The following TTC22 variants were observed in gnomAD, a reference collection of about 807,000 sequenced individuals.
The protein encoded by TTC22 is tetratricopeptide repeat protein 22.
Under a neutral mutation model 48.2 loss-of-function variants are expected in TTC22, and 42 were observed. That is an observed-to-expected ratio of 0.87 (90% CI 0.68 to 1.13). The LOEUF (loss-of-function observed/expected upper bound fraction) is 1.13, where lower values mean the gene tolerates loss of function less well. Among genes scored for constraint, TTC22 ranks in the 50% most tolerant of loss-of-function variants. TTC22 has a pLI of 0.00. For synonymous variants in TTC22, 345 were observed against 365.5 expected (o/e 0.94, Z 0.64); for missense variants, 784 against 807.0 (o/e 0.97, Z 0.34).
chr1:54,787,777 G>A lies in TTC22; in HGVS notation c.673C>T (p.Pro225Ser). 6.2e-7 allele frequency: 1 copy of A among 1,613,392 alleles called. No homozygotes were observed. Among genetic ancestry groups the A allele is most frequent in the Non-Finnish European group, 8.5e-7 (1 of 1,179,734 alleles). Reference sequence around the variant, plus strand: ...AGGGCCAGCGTGCGGTTGAAGGCAGGCAGTCTCTTCTGCTCCTCACTGCCC... The same window carrying A: ...AGGGCCAGCGTGCGGTTGAAGGCAGACAGTCTCTTCTGCTCCTCACTGCCC... ...ELGSEEQKRL[P>S]AFNRTLALLR... The change falls in exon 3 of 7, where the codon CCT (proline) becomes TCT (serine). Residue 225 changes from proline (P) to serine (S), a missense_variant. Pro to Ser is a moderately conservative substitution (Grantham distance 74). Coordinates refer to ENST00000371276, the MANE Select transcript of TTC22 (RefSeq NM_001114108.2).
intron 1 of TTC22, among the ~76,000 whole-genome samples, chr1:54,790,755 C>T (rs1646343799): frequency 6.7e-6 from 1 of 148,686 alleles, no homozygotes; most frequent in South Asian, 2.1e-4. Context: ...GTGCCTCAGG[C>T]TTCCTGGCTG....
At chr1:54,796,984 G>A (rs574177979) in intron 1 of TTC22, among the ~76,000 whole-genome samples, 2 of 152,260 alleles carry the variant, frequency 1.3e-5, no homozygotes, top group South Asian at 4.1e-4. Context: ...AAGTGCTGTG[G>A]GCCAGGGCAG....
At position 54,779,842 on chromosome 1, in the gene TTC22, A is replaced by G. The variant is rs994775509; in HGVS notation, c.*1401T>C. On this transcript the variant is annotated 3_prime_UTR_variant, in exon 7 of 7. Coordinates refer to ENST00000371276, the MANE Select transcript of TTC22 (RefSeq NM_001114108.2). ...CCCTTCTATGGCTCTCAGTTTTCCC[A>G]TCTGCACAATGAGGGGGTTGGAGTG... is the stretch of plus-strand genomic sequence containing the variant. 9 of 152,324 alleles carry G rather than the reference A, an allele frequency of 5.9e-5. No individual in the cohort carries two copies. The East Asian group carries it at 1.7e-3, about 29-fold the overall frequency. The allele number at this position is 152,324 out of a possible 1,614,324, so 9.4% of individuals were successfully genotyped here.
intron 5 of TTC22, chr1:54,784,719 A>G: frequency 2.4e-6 from 3 of 1,232,996 alleles, no homozygotes; most frequent in South Asian, 2.8e-5. Context: ...CTGGGAGTAG[A>G]TTTGCCACTA....
At chr1:54,783,977 G>A (rs1646281751) in intron 5 of TTC22, among the ~76,000 whole-genome samples, 1 of 152,184 alleles carries the variant, frequency 6.6e-6, no homozygotes, top group Non-Finnish European at 1.5e-5. Flanking sequence ...ACTCCAGCCT[G>A]GGTGACAGAG....
In TTC22 at chr1:54,781,277, C is replaced by T. The variant is rs1646259395; in HGVS notation, c.1676G>A (p.Ser559Asn). ...GACAGCCCGGCGGTCCCGCGGCGCGCTGGCGCCCTCGCCCTCGCGCTCCAT... is the reference window on the plus strand; with the variant it reads ...GACAGCCCGGCGGTCCCGCGGCGCGTTGGCGCCCTCGCCCTCGCGCTCCAT... ...ETMEREGEGASAPRDRRAVSF is the reference protein window; with the variant it reads ...ETMEREGEGANAPRDRRAVSF Residue 559 changes from serine (S) to asparagine (N), a missense_variant, in exon 7 of 7, where the codon AGC becomes AAC. By Grantham distance (46) the Ser-to-Asn change is conservative (BLOSUM62 1). Transcript: ENST00000371276. The T allele has an allele frequency of 1.4e-6, 2 of 1,478,610 alleles. No homozygotes were observed. Among genetic ancestry groups the T allele is most frequent in the African/African-American group, 1.5e-5 (1 of 68,034 alleles). The allele number at this position is 1,478,610 out of a possible 1,614,324, so 91.6% of individuals were successfully genotyped here.
rs1315063326 is a variant in TTC22 at position 54,781,299 on chromosome 1, C to T, written c.1654G>A (p.Glu552Lys). Reference protein sequence around the residue: ...ALVRLLFETMEREGEGASAPR... With the variant: ...ALVRLLFETMKREGEGASAPR... ...GCGCTGGCGCCCTCGCCCTCGCGCT[C>T]CATGGTCTCGAAGAGCAGCCGCACC... Residue 552 changes from glutamate to lysine, a missense_variant, in exon 7 of 7, where the codon GAG becomes AAG. Physicochemically the swap from Glu to Lys is moderately conservative, Grantham distance 56. Transcript: ENST00000371276. 8.8e-6 allele frequency: 13 copies of T among 1,474,284 alleles called. No homozygotes were observed. Among genetic ancestry groups the T allele is most frequent in the South Asian group, 1.3e-5 (1 of 77,922 alleles). 91.3% of individuals were successfully genotyped at this position (1,474,284 alleles called of 1,614,324 possible). A position where few individuals can be genotyped will look rare whatever the true frequency, so the allele number is the denominator to read the frequency against.
At chr1:54,799,944 T>TG (rs1646420135) in intron 1 of TTC22, among the ~76,000 whole-genome samples, 1 of 152,196 alleles carries the variant, frequency 6.6e-6, no homozygotes, top group South Asian at 2.1e-4. Context: ...AGCTTGGTGG[T>TG]GCTAAGCACT....
rs1398363564 is a variant in TTC22 at position 54,786,993 on chromosome 1, C to T, written c.822G>A (p.Gly274=). 1.3e-6 allele frequency: 2 copies of T among 1,563,220 alleles called. No homozygotes were observed. The highest frequency in any genetic ancestry group is 2.7e-5 in the African/African-American group (2 of 73,352). The stretch of plus-strand genomic sequence containing the variant: ...AGTCTAGAGGGTCGGTCCCTGAGTA[C>T]CCGCAGTCATGGACGCCCATGGGGG... ...STTPMGVHDC[G]YSGTDPLDCF... is the part of the protein sequence containing the mutation. The change falls in exon 4 of 7, where the codon GGG becomes GGA. Residue 274 remains glycine, a synonymous_variant. Coordinates refer to ENST00000371276, the MANE Select transcript of TTC22 (RefSeq NM_001114108.2).
intron 5 of TTC22, chr1:54,784,837 T>G (rs1646288071): frequency 7.7e-7 from 1 of 1,295,640 alleles, no homozygotes; most frequent in South Asian, 1.3e-5. Context: ...ATGGGCTCTG[T>G]GTGGGCTCTA....
chr1:54,781,293 C>T lies in TTC22; in HGVS notation c.1660G>A (p.Glu554Lys). The change falls in exon 7 of 7, where the codon GAG becomes AAG. Residue 554 changes from glutamate (E) to lysine (K), a missense_variant. Coordinates refer to ENST00000371276, the MANE Select transcript of TTC22 (RefSeq NM_001114108.2). ...CGCGGCGCGCTGGCGCCCTCGCCCT[C>T]GCGCTCCATGGTCTCGAAGAGCAGC... ...VRLLFETMER[E>K]GEGASAPRDR... 1.4e-6 allele frequency: 2 copies of T among 1,476,290 alleles called. No homozygotes were observed. The highest frequency in any genetic ancestry group is 1.3e-5 in the South Asian group (1 of 78,300). 91.4% of individuals were successfully genotyped at this position (1,476,290 alleles called of 1,614,324 possible). A position where few individuals can be genotyped will look rare whatever the true frequency, so the allele number is the denominator to read the frequency against.
chr1:54,788,126 C>T, intron 1 of TTC22, 29 bp from the exon 2 acceptor site: 1 of 1,609,042 alleles, frequency 6.2e-7, no homozygotes, highest in Non-Finnish European at 8.5e-7. Context: ...GCCCACACTG[C>T]CATTACTGAG....
At chr1:54,796,721 G>A (rs1379543958) in intron 1 of TTC22, among the ~76,000 whole-genome samples, 1 of 151,934 alleles carries the variant, frequency 6.6e-6, no homozygotes, top group Admixed American at 6.6e-5. Context: ...CAATAAATAG[G>A]GATTTTATTT....
At position 54,781,657 on chromosome 1, in the gene TTC22, G is replaced by C. The variant is rs1646263976; in HGVS notation, c.1296C>G (p.Pro432=). The C allele has an allele frequency of 9.1e-6, 14 of 1,530,806 alleles. No individual in the cohort carries two copies. Among genetic ancestry groups the C allele is most frequent in the Non-Finnish European group, 1.0e-5 (12 of 1,144,304 alleles). The allele number at this position is 1,530,806 out of a possible 1,614,324, so 94.8% of individuals were successfully genotyped here. Residue 432 remains proline, a synonymous_variant, in exon 7 of 7, where the codon CCC becomes CCG. Transcript: ENST00000371276. ...ACTTGCCGCGCAGCAGCTGCAGCTC[G>C]GGCAGCGTGGCACCCAGCTCCGACT... is the stretch of plus-strand genomic sequence containing the variant. ...AGESELGATL[P]ELQLLRGKCL... is the part of the protein sequence containing the mutation.
chr1:54,781,856 A>C (rs1646266120), intron 6 of TTC22, 77 bp from the exon 7 acceptor site: 2 of 1,322,222 alleles, frequency 1.5e-6, no homozygotes, highest in African/African-American at 3.1e-5. Flanking sequence ...GCTTGCTTTA[A>C]AAAAAAATTC....
At chr1:54,787,624 G>T (rs1215956028) in intron 3 of TTC22, 87 bp downstream of exon 3, 3 of 932,094 alleles carry the variant, frequency 3.2e-6, no homozygotes, top group Non-Finnish European at 5.1e-6. Context: ...GCCAAGAAGG[G>T]GAGGTAATGC....
At chr1:54,795,536 A>G (rs3753403) in intron 1 of TTC22, among the ~76,000 whole-genome samples, 1 of 152,112 alleles carries the variant, frequency 6.6e-6, no homozygotes, top group African/African-American at 2.4e-5. Context: ...GCCATTCCCT[A>G]TCTGGTCCAG....
At chr1:54,798,013 C>A (rs964829022) in intron 1 of TTC22, among the ~76,000 whole-genome samples, 1 of 152,152 alleles carries the variant, frequency 6.6e-6, no homozygotes, top group Non-Finnish European at 1.5e-5. Context: ...GAAACCCACC[C>A]ACCTCCTCTC....
intron 3 of TTC22, chr1:54,787,443 A>G: frequency 1.7e-6 from 1 of 573,442 alleles, no homozygotes; most frequent in Non-Finnish European, 3.1e-6. Context: ...CTGACCATAA[A>G]TAGGTGGAAA....
Sources: gnomAD v4.1 joint callset for allele counts (sites outside exome capture counted in the v4.1 genomes callset) on GRCh38, gnomAD v4.1.1 for gene constraint, MANE v1.5 for transcripts, NCBI Gene and HGNC (gene_info 2026-07-23, HGNC 2026-07-21) for gene names.